The following PPARA variants were observed in gnomAD, a reference collection of about 807,000 sequenced individuals.
PPARA encodes peroxisome proliferator-activated receptor alpha.
A neutral mutation model predicts 42.2 loss-of-function variants in PPARA; 22 were observed. That is an observed-to-expected ratio of 0.52 (90% CI 0.37 to 0.74). The LOEUF (loss-of-function observed/expected upper bound fraction) is 0.74. Among genes scored for constraint, PPARA ranks in the 30% least tolerant of loss-of-function variants. The probability of loss-of-function intolerance (pLI) is 0.00; values close to 1 mark genes in which losing one functional copy is unlikely to be tolerated. For missense variants in PPARA, 465 were observed against 608.2 expected (o/e 0.76, Z 2.48); for synonymous variants, 242 against 239.3 (o/e 1.01, Z -0.10).
chr22:46,160,049 C>G lies in PPARA; in HGVS notation c.-127+8079C>G, dbSNP rs1441735504. 6.6e-6 allele frequency among the ~76,000 whole-genome samples: 1 copy of G among 152,186 alleles called. No individual in the cohort carries two copies. The highest frequency in any genetic ancestry group is 6.5e-5 in the Admixed American group (1 of 15,282). ...GACCACCACTGCAGCAGCCTGAAAA[C>G]CACAGTCTTGAACCGCCAGCGAAGG... On this transcript the variant is annotated intron_variant, in intron 2 of 8. Transcript: ENST00000407236. The surrounding 1 kb of genome is among the most constrained non-coding windows in gnomAD (Gnocchi z 4.5).
In PPARA at chr22:46,156,803, T is replaced by C. The variant is rs1925365754; in HGVS notation, c.-127+4833T>C. On this transcript the variant is annotated intron_variant, in intron 2 of 8. Transcript: ENST00000407236. The surrounding 1 kb of genome is among the most constrained non-coding windows in gnomAD (Gnocchi z 5.2). ...TTTTAGTAGAGATGGAGTTTCACCA[T>C]GTTGGCCAGGCTGGTTTTGAACTTC... 1.3e-5 allele frequency among the ~76,000 whole-genome samples: 2 copies of C among 152,326 alleles called. No individual in the cohort carries two copies. The highest frequency in any genetic ancestry group is 2.1e-4 in the South Asian group (1 of 4,830).
rs1286029269 is a variant in PPARA, at chr22:46,211,168, G to A, written c.209-4005G>A. ...CCTATGTCTATACAGGAATCTATCG[G>A]TATTTCTGTCTGTGGCCATCTGTAG... On this transcript the variant is annotated intron_variant, in intron 4 of 8. Coordinates refer to ENST00000407236, the MANE Select transcript of PPARA (RefSeq NM_005036.6). This position sits in a 1 kb window ranked among gnomAD's most constrained non-coding sequence, Gnocchi z 4.1. Among the ~76,000 whole-genome samples, 1 of 152,162 alleles carries A rather than the reference G, an allele frequency of 6.6e-6. No homozygotes were observed. The highest frequency in any genetic ancestry group is 2.4e-5 in the African/African-American group (1 of 41,444).
rs116284253 is a variant in PPARA at position 46,204,978 on chromosome 22, C to T, written c.208+6387C>T. ...GACCTCTTGGGCTCAGGAAACCCTC[C>T]GACCTCAGCCTCCCAAGTAGCTGGG... On this transcript the variant is annotated intron_variant, in intron 4 of 8. Coordinates refer to ENST00000407236, the MANE Select transcript of PPARA (RefSeq NM_005036.6). This position sits in a 1 kb window ranked among gnomAD's most constrained non-coding sequence, Gnocchi z 5.2. 6.2e-3 allele frequency among the ~76,000 whole-genome samples: 938 copies of T among 152,084 alleles called. 9 individuals are homozygous for T. Among genetic ancestry groups the T allele is most frequent in the African/African-American group, 0.021 (856 of 41,506 alleles).
intron 2 of PPARA, among the ~76,000 whole-genome samples, chr22:46,168,351 CAAAAA>C (rs35345592): frequency 2.0e-3 from 29 of 14,374 alleles, no homozygotes; most frequent in South Asian, 8.1e-3. Context: ...GACTCCATCT[CAAAAA>C]AAAAAAAAAA....
chr22:46,224,733 C>G lies in PPARA; in HGVS notation c.711+4719C>G, dbSNP rs528348496. ...GGCTGTGTGCTGGGGAAGGCAGGCT[C>G]GCCTCCTCCCTGCAGGGGCTGCTGG... On this transcript the variant is annotated intron_variant, in intron 7 of 8. Coordinates refer to ENST00000407236, the MANE Select transcript of PPARA (RefSeq NM_005036.6). The surrounding 1 kb of genome is among the most constrained non-coding windows in gnomAD (Gnocchi z 5.7). 6.6e-6 allele frequency among the ~76,000 whole-genome samples: 1 copy of G among 152,302 alleles called. No individual in the cohort carries two copies. The highest frequency in any genetic ancestry group is 1.9e-4 in the East Asian group (1 of 5,178).
At chr22:46,166,404 G>A (rs2147160288) in intron 2 of PPARA, among the ~76,000 whole-genome samples, 1 of 152,194 alleles carries the variant, frequency 6.6e-6, no homozygotes, top group East Asian at 1.9e-4. Context: ...GATCATTTGG[G>A]GTCAGGAGTT....
chr22:46,155,004 A>C (rs1424841231), intron 2 of PPARA: 6 of 138,600 alleles, frequency 4.3e-5, no homozygotes, highest in African/African-American at 1.2e-4. Flanking sequence ...AAAAAAAAAA[A>C]AAAAAAAAAA....
At chr22:46,202,379 A>G (rs781740817) in intron 4 of PPARA, among the ~76,000 whole-genome samples, 2 of 152,180 alleles carry the variant, frequency 1.3e-5, no homozygotes, top group African/African-American at 2.4e-5. Flanking sequence ...CTTGTGGTCT[A>G]TATAATCCAT....
chr22:46,236,625 C>A lies in PPARA; in HGVS notation c.*1245C>A, dbSNP rs1194828934. The A allele has an allele frequency of 2.0e-5, 3 of 152,762 alleles. No homozygotes were observed. The East Asian group carries it at 5.8e-4, about 30-fold the overall frequency. The allele number at this position is 152,762 out of a possible 1,614,324, so 9.5% of individuals were successfully genotyped here. A position where few individuals can be genotyped will look rare whatever the true frequency, so the allele number is the denominator to read the frequency against. ...AGCTCCCGTATCTTTTGTTATGTTG[C>A]TTTTAAAGATATGATGTTTTATTGT... On this transcript the variant is annotated 3_prime_UTR_variant, in exon 9 of 9. Coordinates refer to ENST00000407236, the MANE Select transcript of PPARA (RefSeq NM_005036.6). This position sits in a 1 kb window ranked among gnomAD's most constrained non-coding sequence, Gnocchi z 5.2.
chr22:46,217,716 C>T (rs1442081778), intron 5 of PPARA, among the ~76,000 whole-genome samples: 1 of 150,902 alleles, frequency 6.6e-6, no homozygotes, highest in Non-Finnish European at 1.5e-5. Flanking sequence ...GAAATGACTT[C>T]GAATGCTGCC....
chr22:46,165,777 A>G lies in PPARA; in HGVS notation c.-126-10976A>G, dbSNP rs1048001577. Among the ~76,000 whole-genome samples, 1 of 152,242 alleles carries G rather than the reference A, an allele frequency of 6.6e-6. No individual in the cohort carries two copies. Among genetic ancestry groups the G allele is most frequent in the Non-Finnish European group, 1.5e-5 (1 of 68,044 alleles). ...CAGAAGCAAGTGAATATCCTTCTGG[A>G]GGAACAGAGCCTCATCCTAGGCCTC... On this transcript the variant is annotated intron_variant, in intron 2 of 8. Transcript: ENST00000407236. This position sits in a 1 kb window ranked among gnomAD's most constrained non-coding sequence, Gnocchi z 5.5.
At chr22:46,207,677 A>ATTATTATTTT (rs1555951376) in intron 4 of PPARA, among the ~76,000 whole-genome samples, 2 of 50,724 alleles carry the variant, frequency 3.9e-5, no homozygotes, top group African/African-American at 1.7e-4. Context: ...TATTATTATT[A>ATTATTATTTT]TTTTTTTTTT....
chr22:46,169,186 G>C (rs369768917), intron 2 of PPARA, among the ~76,000 whole-genome samples: 4 of 152,086 alleles, frequency 2.6e-5, no homozygotes, highest in African/African-American at 9.6e-5. Context: ...GTGGGCTTCA[G>C]TTAGCAATAA....
In PPARA at chr22:46,180,259, T is replaced by C. The variant is rs916230408; in HGVS notation, c.-43+3423T>C. On this transcript the variant is annotated intron_variant, in intron 3 of 8. Coordinates refer to ENST00000407236, the MANE Select transcript of PPARA (RefSeq NM_005036.6). The surrounding 1 kb of genome is among the most constrained non-coding windows in gnomAD (Gnocchi z 4.2). ...TGGAGTACAGTGGCGCGATCTCAGC[T>C]CACTGCAACCTCTGCCTCCCAATGA... Among the ~76,000 whole-genome samples, 3 of 151,266 alleles carry C rather than the reference T, an allele frequency of 2.0e-5. No homozygotes were observed. In the Admixed American group the frequency reaches 2.0e-4, roughly 10 times the overall value.
chr22:46,150,813 A>ACCCGGGGG lies in PPARA; in HGVS notation c.-210+169_-210+176dup, dbSNP rs1351044638. The ACCCGGGGG allele has an allele frequency of 6.7e-6, 1 of 148,374 alleles. No individual in the cohort carries two copies. Among genetic ancestry groups the ACCCGGGGG allele is most frequent in the Non-Finnish European group, 1.5e-5 (1 of 67,072 alleles). 9.2% of individuals were successfully genotyped at this position (148,374 alleles called of 1,614,324 possible). On this transcript the variant is annotated intron_variant, in intron 1 of 8. Transcript: ENST00000407236. This position sits in a 1 kb window ranked among gnomAD's most constrained non-coding sequence, Gnocchi z 7.5. ...GTCTCGGGGTCTCCGGGTCCCGGGG[A>ACCCGGGGG]CCCGGGGGCCCGGGGTGCGCGGCTG... is the stretch of plus-strand genomic sequence containing the variant.
intron 7 of PPARA, among the ~76,000 whole-genome samples, chr22:46,223,209 A>G (rs982351920): frequency 6.6e-6 from 1 of 152,058 alleles, no homozygotes; most frequent in Non-Finnish European, 1.5e-5. Flanking sequence ...TGCCCCCACC[A>G]TGGGGTGCGA....
In PPARA at chr22:46,165,694, C is replaced by G. The variant is rs758013995; in HGVS notation, c.-126-11059C>G. 1.3e-5 allele frequency among the ~76,000 whole-genome samples: 2 copies of G among 152,206 alleles called. No individual in the cohort carries two copies. The highest frequency in any genetic ancestry group is 2.9e-5 in the Non-Finnish European group (2 of 68,040). On this transcript the variant is annotated intron_variant, in intron 2 of 8. Coordinates refer to ENST00000407236, the MANE Select transcript of PPARA (RefSeq NM_005036.6). This position sits in a 1 kb window ranked among gnomAD's most constrained non-coding sequence, Gnocchi z 5.5. The stretch of plus-strand genomic sequence containing the variant: ...GGACTGAAGTCCAGTTCTAGCTACG[C>G]CCAGTCCTTGAGACTGGATTAAGGT...
Position 46,242,109 on chromosome 22 carries a change from A to C in PPARA, c.*6729A>C, listed in dbSNP as rs186366333. 1.3e-5 allele frequency: 2 copies of C among 152,282 alleles called. No individual in the cohort carries two copies. The highest frequency in any genetic ancestry group is 4.8e-5 in the African/African-American group (2 of 41,560). The allele number at this position is 152,282 out of a possible 1,614,324, so 9.4% of individuals were successfully genotyped here. A position where few individuals can be genotyped will look rare whatever the true frequency, so the allele number is the denominator to read the frequency against. The stretch of plus-strand genomic sequence containing the variant: ...TCTTCTGCCCACACATCCAGCATCC[A>C]AAATCCATTCATTTAATGAATTGAT... On this transcript the variant is annotated 3_prime_UTR_variant, in exon 9 of 9. Coordinates refer to ENST00000407236, the MANE Select transcript of PPARA (RefSeq NM_005036.6). This position sits in a 1 kb window ranked among gnomAD's most constrained non-coding sequence, Gnocchi z 6.1.
chr22:46,178,995 T>G (rs947817203), intron 3 of PPARA, among the ~76,000 whole-genome samples: 2 of 151,990 alleles, frequency 1.3e-5, no homozygotes, highest in Non-Finnish European at 2.9e-5. Context: ...ACCCAGTGAG[T>G]CCAAGAGCAT....
Sources: gnomAD v4.1 joint callset for allele counts (sites outside exome capture counted in the v4.1 genomes callset) on GRCh38, gnomAD v4.1.1 for gene constraint, Gnocchi (gnomAD v3.1) non-coding constraint, MANE v1.5 for transcripts, NCBI Gene and HGNC (gene_info 2026-07-23, HGNC 2026-07-21) for gene names.